The following ATP6AP1 variants were observed in gnomAD, a reference collection of about 807,000 sequenced individuals.
The protein encoded by ATP6AP1 is ATPase H+ transporting accessory protein 1.
Under a neutral mutation model 32.0 loss-of-function variants are expected in ATP6AP1, and 1 was observed. The observed-to-expected ratio is 0.03, with a 90% confidence interval of 0.01 to 0.15. The LOEUF is 0.15. Ranked by LOEUF, ATP6AP1 falls within the 10% of genes least tolerant of loss-of-function variation. The probability of loss-of-function intolerance (pLI) is 1.00; values close to 1 mark genes in which losing one functional copy is unlikely to be tolerated. For missense variants in ATP6AP1, 297 were observed against 398.8 expected, an observed-to-expected ratio of 0.74 and a Z score of 2.17; for synonymous variants, 187 against 174.9, an observed-to-expected ratio of 1.07 and a Z score of -0.55.
At position 154,436,053 on chromosome X, in the gene ATP6AP1, C is replaced by G; in HGVS notation, c.*162C>G. On this transcript the variant is annotated 3_prime_UTR_variant, in exon 10 of 10. Coordinates refer to ENST00000369762, the MANE Select transcript of ATP6AP1 (RefSeq NM_001183.6). ...CCTCTTCAGCCCGCTGAGGAGCTTT[C>G]TTGGGCTGCCCCCATCTCTCCCAAC... The G allele has an allele frequency of 2.0e-6, 1 of 510,493 alleles. No individual in the cohort carries two copies. Among genetic ancestry groups the G allele is most frequent in the South Asian group, 3.1e-5 (1 of 32,758 alleles). The allele number at this position is 510,493 out of a possible 1,213,427, so 42.1% of individuals were successfully genotyped here.
chrX:154,432,083 G>C (rs1384063955), intron 3 of ATP6AP1, among the ~76,000 whole-genome samples, 179 bp downstream of exon 3: 1 of 112,454 alleles, frequency 8.9e-6, no homozygotes, highest in Non-Finnish European at 1.9e-5. Flanking sequence ...AGGGAGCAGA[G>C]ACGCTGGCTT....
Position 154,432,382 on chromosome X carries a change from C to T in ATP6AP1, c.480C>T (p.Asp160=), listed in dbSNP as rs1484513198. The T allele has an allele frequency of 5.8e-6, 7 of 1,209,083 alleles. No individual in the cohort carries two copies. Among genetic ancestry groups the T allele is most frequent in the Admixed American group, 4.4e-5 (2 of 45,839 alleles). ...TCGGGGCCAGCCCCTTGCATGTGGACCTGGCCACCCTGCGGGAGCTGAAGC... is the reference window on the plus strand; with the variant it reads ...TCGGGGCCAGCCCCTTGCATGTGGATCTGGCCACCCTGCGGGAGCTGAAGC... The part of the protein sequence containing the change: ...EKLGASPLHV[D]LATLRELKLN... Residue 160 remains aspartate (D), a synonymous_variant, in exon 4 of 10, where the codon GAC becomes GAT. Coordinates refer to ENST00000369762, the MANE Select transcript of ATP6AP1 (RefSeq NM_001183.6).
At chrX:154,435,251 G>C (rs782637100) in intron 8 of ATP6AP1, 23 bp from the exon 9 acceptor site, 1 of 1,210,019 alleles carries the variant, frequency 8.3e-7, no homozygotes, top group Admixed American at 2.2e-5. Flanking sequence ...CAGCTCACCT[G>C]ACATCCCTGC....
Position 154,432,783 on chromosome X carries a change from T to C in ATP6AP1, c.558-148T>C. On this transcript the variant is annotated intron_variant, in intron 4 of 9. Coordinates refer to ENST00000369762, the MANE Select transcript of ATP6AP1 (RefSeq NM_001183.6). ...GTGACTGAGAAGCCTCGGGGTGGGA[T>C]GGGCTTCCAGGAGGGGGCACTGAGG... is the stretch of plus-strand genomic sequence containing the variant. 7.1e-6 allele frequency: 5 copies of C among 703,857 alleles called. No homozygotes were observed. The South Asian group carries it at 1.3e-4, about 19-fold the overall frequency. The allele number at this position is 703,857 out of a possible 1,213,427, so 58.0% of individuals were successfully genotyped here.
In ATP6AP1 at chrX:154,432,990, G is replaced by A. The variant is rs782544957; in HGVS notation, c.598+19G>A. ...GGCAACGGTGAGTAGAATCAGGGAG[G>A]ATGCACGTCCTCATCTAGCCCTTGG... On this transcript the variant is annotated intron_variant, in intron 5 of 9. Transcript: ENST00000369762. 3.3e-6 allele frequency: 4 copies of A among 1,209,259 alleles called. No individual in the cohort carries two copies. In the South Asian group the frequency reaches 7.0e-5, roughly 21 times the overall value.
Position 154,428,717 on chromosome X carries a change from C to G in ATP6AP1, c.25C>G (p.Arg9Gly). 1 of 1,149,838 alleles carries G rather than the reference C, an allele frequency of 8.7e-7. No homozygotes were observed. The highest frequency in any genetic ancestry group is 1.2e-6 in the Non-Finnish European group (1 of 868,541). The allele number at this position is 1,149,838 out of a possible 1,213,427, so 94.8% of individuals were successfully genotyped here. A position where few individuals can be genotyped will look rare whatever the true frequency, so the allele number is the denominator to read the frequency against. The change falls in exon 1 of 10, where the codon CGA becomes GGA. Residue 9 changes from arginine to glycine, a missense_variant. Arg to Gly is a moderately radical substitution (Grantham distance 125). Coordinates refer to ENST00000369762, the MANE Select transcript of ATP6AP1 (RefSeq NM_001183.6). MMAAMATA[R>G]VRMGPRCAQA... ...TATGATGGCGGCCATGGCGACGGCTCGAGTGCGGATGGGGCCGCGGTGCGC... is the reference window on the plus strand; with the variant it reads ...TATGATGGCGGCCATGGCGACGGCTGGAGTGCGGATGGGGCCGCGGTGCGC...
chrX:154,433,760 A>G (rs1557197217), intron 6 of ATP6AP1, 40 bp downstream of exon 6: 1 of 1,176,474 alleles, frequency 8.5e-7, no homozygotes, highest in Admixed American at 2.2e-5. Flanking sequence ...GCGTGCAGGG[A>G]GAGGCAGTGT....
intron 7 of ATP6AP1, 60 bp downstream of exon 7, chrX:154,434,506 G>A: frequency 9.1e-7 from 1 of 1,100,735 alleles, no homozygotes; most frequent in South Asian, 1.9e-5. Flanking sequence ...ATCACTGTGG[G>A]TCGCAGGTGG....
rs1698320728 is a variant in ATP6AP1, at chrX:154,436,255, AG to A, written c.*367del. The A allele has an allele frequency of 4.6e-6, 1 of 216,509 alleles. No individual in the cohort carries two copies. The highest frequency in any genetic ancestry group is 9.7e-5 in the East Asian group (1 of 10,285). 17.8% of individuals were successfully genotyped at this position (216,509 alleles called of 1,213,427 possible). A position where few individuals can be genotyped will look rare whatever the true frequency, so the allele number is the denominator to read the frequency against. The stretch of plus-strand genomic sequence containing the variant: ...GCAAATGCTCCCTCCTTAAGGTTAT[AG>A]GGCTCCCTGAGTTTGGGAGTGTGGA... On this transcript the variant is annotated 3_prime_UTR_variant, in exon 10 of 10. Coordinates refer to ENST00000369762, the MANE Select transcript of ATP6AP1 (RefSeq NM_001183.6).
At position 154,435,463 on chromosome X, in the gene ATP6AP1, C is replaced by T. The variant is rs782188842; in HGVS notation, c.1161C>T (p.Arg387=). 2.7e-5 allele frequency: 33 copies of T among 1,210,640 alleles called. No individual in the cohort carries two copies. The East Asian group carries it at 8.0e-4, about 29-fold the overall frequency. The part of the protein sequence containing the change: ...LSKKGSLLVA[R]TQPSPWQMML... ...AGAAGGGTAGTCTCCTCGTGGCCCGCACGCAGCCCTCTCCCTGGCAGATGA... is the reference window on the plus strand; with the variant it reads ...AGAAGGGTAGTCTCCTCGTGGCCCGTACGCAGCCCTCTCCCTGGCAGATGA... The change falls in exon 9 of 10, where the codon CGC becomes CGT. Residue 387 remains arginine (R), a synonymous_variant. Transcript: ENST00000369762.
chrX:154,431,679 C>T (rs2068694175), intron 2 of ATP6AP1, 151 bp from the exon 3 acceptor site: 4 of 523,011 alleles, frequency 7.6e-6, no homozygotes, highest in African/African-American at 2.4e-5. Flanking sequence ...ACCCCACCCC[C>T]ACCAACACAC....
Position 154,435,667 on chromosome X carries a change from C to CT in ATP6AP1, c.1204-14dup, listed in dbSNP as rs1569553315. ...CCCAACGGTCCTTTCTGACCCGTGT[C>CT]TGTGTGTCTGCCAGATCCAGGCTTT... On this transcript the variant is annotated splice_polypyrimidine_tract_variant and intron_variant, in intron 9 of 9. Transcript: ENST00000369762. The CT allele has an allele frequency of 2.5e-6, 3 of 1,210,252 alleles. No homozygotes were observed. The highest frequency in any genetic ancestry group is 3.4e-6 in the Non-Finnish European group (3 of 894,064).
Position 154,432,441 on chromosome X carries a change from G to A in ATP6AP1, c.539G>A (p.Arg180His), listed in dbSNP as rs140841742. ...NASLPALLLI[R>H]LPYTASSGLM... ...AGCCTCCCTGCTCTGCTGCTCATTC[G>A]CCTGCCCTACACAGCCAGGTACTGC... The change falls in exon 4 of 10, where the codon CGC becomes CAC. Residue 180 changes from arginine (R) to histidine (H), a missense_variant. By Grantham distance (29) the Arg-to-His change is conservative (BLOSUM62 0). Around this residue, in one of 2 missense-constraint regions of ATP6AP1, gnomAD observed 155 missense variants for 253.8 expected, o/e 0.61. Coordinates refer to ENST00000369762, the MANE Select transcript of ATP6AP1 (RefSeq NM_001183.6). 587 of 1,188,176 alleles carry A rather than the reference G, an allele frequency of 4.9e-4. No homozygotes were observed. The African/African-American group carries it at 7.5e-3, about 15-fold the overall frequency.
intron 7 of ATP6AP1, 70 bp from the exon 8 acceptor site, chrX:154,435,069 A>G: frequency 8.8e-7 from 1 of 1,134,192 alleles, no homozygotes; most frequent in Non-Finnish European, 1.2e-6. Context: ...AGAGCTGAGG[A>G]ACTTGTTCCT....
At chrX:154,430,420 G>A (rs1037251490) in intron 2 of ATP6AP1, 15 of 112,261 alleles carry the variant, frequency 1.3e-4, no homozygotes, top group Non-Finnish European at 2.4e-4. Flanking sequence ...CGCCCGGCCT[G>A]TGAGGGGGAA....
At chrX:154,432,538 C>T (rs2068699701) in intron 4 of ATP6AP1, 79 bp downstream of exon 4, 38 of 1,082,523 alleles carry the variant, frequency 3.5e-5, no homozygotes, top group South Asian at 1.4e-4. Flanking sequence ...GTGGTGGCAC[C>T]GTTTGGCTAA....
intron 5 of ATP6AP1, 125 bp downstream of exon 5, chrX:154,433,096 T>C: frequency 1.2e-6 from 1 of 830,394 alleles, no homozygotes; most frequent in Non-Finnish European, 1.7e-6. Flanking sequence ...TCGGGGCAGC[T>C]GGCAGTGGAG....
chrX:154,434,317 C>A lies in ATP6AP1; in HGVS notation c.794C>A (p.Pro265His), dbSNP rs782407184. ...CCTGTGAGTTACAATGACACCGCTC[C>A]CCGGATCCTGTTCTGGGCCCAAAAC... ...HPPVSYNDTAPRILFWAQNFS... is the reference protein window; with the variant it reads ...HPPVSYNDTAHRILFWAQNFS... The change falls in exon 7 of 10, where the codon CCC becomes CAC. Residue 265 changes from proline (P) to histidine (H), a missense_variant. Transcript: ENST00000369762. The A allele has an allele frequency of 8.3e-7, 1 of 1,210,040 alleles. No individual in the cohort carries two copies. The highest frequency in any genetic ancestry group is 1.1e-6 in the Non-Finnish European group (1 of 895,127).
chrX:154,436,166 C>T lies in ATP6AP1; in HGVS notation c.*275C>T. The T allele has an allele frequency of 2.7e-6, 1 of 367,362 alleles. No homozygotes were observed. Among genetic ancestry groups the T allele is most frequent in the Non-Finnish European group, 4.7e-6 (1 of 211,562 alleles). The allele number at this position is 367,362 out of a possible 1,213,427, so 30.3% of individuals were successfully genotyped here. On this transcript the variant is annotated 3_prime_UTR_variant, in exon 10 of 10. Coordinates refer to ENST00000369762, the MANE Select transcript of ATP6AP1 (RefSeq NM_001183.6). Reference sequence around the variant, plus strand: ...GCGTAAGGGACATGAATTCTAGGGTCTCCTTTCTCCTTATTTATTCTTGTG... The same window carrying T: ...GCGTAAGGGACATGAATTCTAGGGTTTCCTTTCTCCTTATTTATTCTTGTG...
Sources: allele counts gnomAD v4.1 joint callset (sites outside exome capture counted in the v4.1 genomes callset), GRCh38; gene constraint gnomAD v4.1.1; regional missense constraint gnomAD v4.1.1; transcripts MANE v1.5; gene names NCBI Gene and HGNC (gene_info 2026-07-23, HGNC 2026-07-21).